Variants in TEKT5 observed in about 807,000 individuals in gnomAD.
The protein encoded by TEKT5 is tektin-5.
In TEKT5, 52 loss-of-function variants were observed where a neutral mutation model predicts 48.7. The ratio of observed to expected loss-of-function variants is 1.07; its 90% confidence interval spans 0.86 to 1.35. The LOEUF (loss-of-function observed/expected upper bound fraction) is 1.35, where lower values mean the gene tolerates loss of function less well. TEKT5 is among the 40% of genes most tolerant of loss of function. TEKT5 has a pLI of 0.00. For synonymous variants in TEKT5, 318 were observed against 267.6 expected (o/e 1.19, Z -1.84); for missense variants, 831 against 641.6 (o/e 1.30, Z -3.19).
intron 6 of TEKT5, among the ~76,000 whole-genome samples, chr16:10,631,354 G>A (rs1005889315): frequency 6.8e-6 from 1 of 147,644 alleles, no homozygotes; most frequent in Non-Finnish European, 1.5e-5. Context: ...CCATGGGGTG[G>A]GGGCGGGGGA....
intron 5 of TEKT5, among the ~76,000 whole-genome samples, chr16:10,650,579 G>C (rs1238979967): frequency 6.7e-6 from 1 of 150,314 alleles, no homozygotes; most frequent in African/African-American, 2.5e-5. Context: ...ATCTTCATTA[G>C]AAGGGAGGAA....
In TEKT5 at chr16:10,627,842, TTTTA is replaced by T. The variant is rs750763410; in HGVS notation, c.1242-47_1242-44del. On this transcript the variant is annotated intron_variant, in intron 6 of 6. Coordinates refer to ENST00000283025, the MANE Select transcript of TEKT5 (RefSeq NM_144674.2). ...GAGAAGGCACAGGTTATTCATTTAT[TTTTA>T]TTTGTTTATTTTTTGAGACAGAGTC... The T allele has an allele frequency of 1.1e-4, 177 of 1,564,728 alleles. No individual in the cohort carries two copies. In the African/African-American group the frequency reaches 2.1e-3, roughly 19 times the overall value.
chr16:10,651,316 T>C (rs1160732042), intron 5 of TEKT5, among the ~76,000 whole-genome samples: 2 of 152,144 alleles, frequency 1.3e-5, no homozygotes, highest in Non-Finnish European at 2.9e-5. Context: ...GCACCCCCAA[T>C]CGCCTGCTTC....
intron 5 of TEKT5, among the ~76,000 whole-genome samples, chr16:10,658,608 T>C (rs1182789702): frequency 1.3e-5 from 2 of 151,088 alleles, no homozygotes; most frequent in Non-Finnish European, 3.0e-5. Flanking sequence ...GACTGAGAGG[T>C]GGTATGAGGG....
chr16:10,645,968 C>T (rs576519478), intron 5 of TEKT5, among the ~76,000 whole-genome samples: 1 of 151,378 alleles, frequency 6.6e-6, no homozygotes, highest in African/African-American at 2.4e-5. Flanking sequence ...CCCATCTCTA[C>T]AGAAAAAAAA....
intron 5 of TEKT5, among the ~76,000 whole-genome samples, chr16:10,650,277 T>A (rs1415177175): frequency 6.6e-6 from 1 of 151,874 alleles, no homozygotes; most frequent in Non-Finnish European, 1.5e-5. Context: ...ATTTTTGTAT[T>A]TTTAGTGGAG....
chr16:10,640,495 C>CAT (rs35984644), intron 5 of TEKT5, among the ~76,000 whole-genome samples: 3,410 of 152,210 alleles, frequency 0.022, 132 homozygotes, highest in African/African-American at 0.079. Flanking sequence ...ATAAATTACA[C>CAT]GTTTAATGTT....
chr16:10,643,806 G>A (rs1417295442), intron 5 of TEKT5, among the ~76,000 whole-genome samples: 1 of 152,180 alleles, frequency 6.6e-6, no homozygotes, highest in East Asian at 1.9e-4. Flanking sequence ...GGGAGGCCAA[G>A]ACAGGTGGAT....
intron 5 of TEKT5, among the ~76,000 whole-genome samples, chr16:10,644,881 C>G (rs937862221): frequency 6.6e-5 from 10 of 152,184 alleles, no homozygotes; most frequent in Non-Finnish European, 4.4e-5. Context: ...AAAGCTTAAT[C>G]TGTCCCAGTG....
intron 5 of TEKT5, among the ~76,000 whole-genome samples, chr16:10,672,185 T>C (rs1340741901): frequency 2.4e-4 from 37 of 151,810 alleles, no homozygotes; most frequent in Non-Finnish European, 1.5e-5. Context: ...TATTTTACCA[T>C]AATAAAAATG....
intron 4 of TEKT5, among the ~76,000 whole-genome samples, chr16:10,676,684 G>A (rs1079016): frequency 0.51 from 76,886 of 151,932 alleles, 21,231 homozygotes; most frequent in East Asian, 0.82. Flanking sequence ...CTCTGCGATG[G>A]GAATGTGGCC....
intron 5 of TEKT5, among the ~76,000 whole-genome samples, chr16:10,661,259 C>G (rs921239997): frequency 3.9e-5 from 6 of 152,120 alleles, no homozygotes; most frequent in Admixed American, 6.5e-5. Context: ...ATCACAATCC[C>G]CCAAAGCTGT....
intron 6 of TEKT5, among the ~76,000 whole-genome samples, chr16:10,632,881 C>G (rs1036637312): frequency 6.8e-6 from 1 of 147,392 alleles, no homozygotes; most frequent in African/African-American, 2.5e-5. Flanking sequence ...CACACACACA[C>G]ACACACACAC....
intron 6 of TEKT5, among the ~76,000 whole-genome samples, chr16:10,632,637 G>C (rs1332872943): frequency 1.3e-5 from 2 of 151,946 alleles, no homozygotes; most frequent in African/African-American, 2.4e-5. Context: ...CTGGGGGATA[G>C]GCATGGATGG....
At chr16:10,677,843 A>C (rs886771554) in intron 4 of TEKT5, among the ~76,000 whole-genome samples, 3 of 149,466 alleles carry the variant, frequency 2.0e-5, no homozygotes, top group Non-Finnish European at 3.0e-5. Context: ...ACCAAAGGAC[A>C]GAGAGCCCAG....
At chr16:10,670,834 A>C (rs1898537201) in intron 5 of TEKT5, among the ~76,000 whole-genome samples, 1 of 152,020 alleles carries the variant, frequency 6.6e-6, no homozygotes, top group South Asian at 2.1e-4. Flanking sequence ...AATAATTCAA[A>C]ACTTCCCTGG....
At chr16:10,642,596 G>C (rs997898228) in intron 5 of TEKT5, among the ~76,000 whole-genome samples, 2 of 152,076 alleles carry the variant, frequency 1.3e-5, no homozygotes, top group Non-Finnish European at 2.9e-5. Context: ...CTATCTTTCT[G>C]ATGGTGATCA....
intron 1 of TEKT5, among the ~76,000 whole-genome samples, chr16:10,693,739 C>G (rs1899022471): frequency 6.6e-6 from 1 of 152,144 alleles, no homozygotes; most frequent in African/African-American, 2.4e-5. Flanking sequence ...TCCCAGCACT[C>G]TAGGAGGTCA....
At chr16:10,669,192 G>A (rs963139646) in intron 5 of TEKT5, among the ~76,000 whole-genome samples, 3 of 152,156 alleles carry the variant, frequency 2.0e-5, no homozygotes, top group Admixed American at 6.5e-5. Context: ...GTGAGGCCAC[G>A]TACGGTAGCT....
Sources: gnomAD v4.1 joint callset for allele counts (sites outside exome capture counted in the v4.1 genomes callset) on GRCh38, gnomAD v4.1.1 for gene constraint, MANE v1.5 for transcripts, NCBI Gene and HGNC (gene_info 2026-07-23, HGNC 2026-07-21) for gene names.